Variants in IARS1 observed in about 807,000 individuals in gnomAD.
IARS1 encodes the protein isoleucine--tRNA ligase, cytoplasmic.
In IARS1, 124 loss-of-function variants were observed where a neutral mutation model predicts 168.2. That is an observed-to-expected ratio of 0.74 (90% CI 0.64 to 0.86). IARS1 has a LOEUF of 0.86. Among genes scored for constraint, IARS1 ranks in the 40% least tolerant of loss-of-function variants. The pLI, the probability that IARS1 is intolerant of heterozygous loss-of-function variation, is 0.00. For missense variants in IARS1, 1,452 were observed against 1,515.8 expected, an observed-to-expected ratio of 0.96 and a Z score of 0.70; for synonymous variants, 532 against 529.4, an observed-to-expected ratio of 1.00 and a Z score of -0.07.
chr9:92,234,771 C>A (rs1303271764), intron 30 of IARS1, among the ~76,000 whole-genome samples: 1 of 152,064 alleles, frequency 6.6e-6, no homozygotes, highest in Non-Finnish European at 1.5e-5. Context: ...AAACACACAA[C>A]CATCATGGGA....
intron 33 of IARS1, among the ~76,000 whole-genome samples, chr9:92,221,462 A>T (rs1711689737): frequency 6.6e-6 from 1 of 152,244 alleles, no homozygotes; most frequent in Non-Finnish European, 1.5e-5. Flanking sequence ...AAATAGAAAA[A>T]AACAGATCCC....
chr9:92,268,652 G>C (rs1832624298), intron 13 of IARS1, among the ~76,000 whole-genome samples: 1 of 152,188 alleles, frequency 6.6e-6, no homozygotes, highest in South Asian at 2.1e-4. Context: ...CAGTTTTTCT[G>C]AACTCATTAA....
Position 92,260,147 on chromosome 9 carries a change from G to A in IARS1, c.1871+4C>T, listed in dbSNP as rs370775962. The A allele has an allele frequency of 6.3e-7, 1 of 1,594,022 alleles. No individual in the cohort carries two copies. Among genetic ancestry groups the A allele is most frequent in the Non-Finnish European group, 8.6e-7 (1 of 1,161,576 alleles). ...TACACACAAGGCAAAGCACTGGTTT[G>A]TACCTGAGGGCATCAGCACCATACT... On this transcript the variant is annotated splice_donor_region_variant and intron_variant, in intron 18 of 33. Transcript: ENST00000443024.
At chr9:92,226,733 G>GT (rs1310162969) in intron 31 of IARS1, among the ~76,000 whole-genome samples, 2 of 151,520 alleles carry the variant, frequency 1.3e-5, no homozygotes, top group Non-Finnish European at 2.9e-5. Flanking sequence ...GCAGCTGTGT[G>GT]TAACTCCAAT....
chr9:92,252,323 C>T, intron 21 of IARS1: 2 of 484,448 alleles, frequency 4.1e-6, no homozygotes, highest in Admixed American at 2.2e-5. Flanking sequence ...TTTTCATTAT[C>T]TTTGTTTTTC....
intron 30 of IARS1, among the ~76,000 whole-genome samples, chr9:92,236,084 G>A (rs1331374386): frequency 2.6e-5 from 4 of 151,984 alleles, no homozygotes; most frequent in Admixed American, 6.5e-5. Flanking sequence ...CCAGGTTACA[G>A]CAATTCTCCT....
chr9:92,214,229 G>C (rs763800684), intron 33 of IARS1, among the ~76,000 whole-genome samples: 6 of 151,846 alleles, frequency 4.0e-5, no homozygotes, highest in Non-Finnish European at 7.4e-5. Context: ...AAGCAGAGCA[G>C]ACGGGCAATG....
chr9:92,251,414 CTAAGTTAAAG>C (rs1829996737), intron 22 of IARS1, among the ~76,000 whole-genome samples: 1 of 152,118 alleles, frequency 6.6e-6, no homozygotes, highest in Non-Finnish European at 1.5e-5. Context: ...CCTCTCAATG[CTAAGTTAAAG>C]TATTTTTTGT....
At chr9:92,283,773 TA>T (rs1182449494) in intron 6 of IARS1, among the ~76,000 whole-genome samples, 7 of 152,084 alleles carry the variant, frequency 4.6e-5, no homozygotes, top group African/African-American at 1.7e-4. Context: ...GATCCTGATT[TA>T]AAAAAATAAA....
At chr9:92,253,972 T>G in intron 20 of IARS1, 3 of 435,822 alleles carry the variant, frequency 6.9e-6, no homozygotes, top group South Asian at 3.4e-5. Flanking sequence ...AACATTTTGC[T>G]TGTCACAACT....
intron 32 of IARS1, 46 bp from the exon 33 acceptor site, chr9:92,222,718 T>G (rs768580338): frequency 1.2e-6 from 2 of 1,604,948 alleles, no homozygotes; most frequent in Non-Finnish European, 1.7e-6. Flanking sequence ...GAGTTCACCC[T>G]CTAGCTCCAA....
chr9:92,217,759 C>A (rs1214082871), intron 33 of IARS1, among the ~76,000 whole-genome samples: 1 of 152,088 alleles, frequency 6.6e-6, no homozygotes, highest in African/African-American at 2.4e-5. Context: ...CAATAACAGA[C>A]TCTGAAATTG....
chr9:92,212,617 G>A (rs1476896516), intron 33 of IARS1, among the ~76,000 whole-genome samples: 2 of 152,218 alleles, frequency 1.3e-5, no homozygotes, highest in South Asian at 4.1e-4. Context: ...ACAGTACTTG[G>A]TGACCAAAGG....
In IARS1 at chr9:92,289,437, A is replaced by T; in HGVS notation, c.-7-11T>A. 5 of 1,118,808 alleles carry T rather than the reference A, an allele frequency of 4.5e-6. No homozygotes were observed. Among genetic ancestry groups the T allele is most frequent in the Non-Finnish European group, 5.5e-6 (4 of 732,138 alleles). 69.3% of individuals were successfully genotyped at this position (1,118,808 alleles called of 1,614,324 possible). On this transcript the variant is annotated splice_polypyrimidine_tract_variant and intron_variant, in intron 1 of 33. Coordinates refer to ENST00000443024, the MANE Select transcript of IARS1 (RefSeq NM_002161.6). ...TGAAGCATTTTGTTGCTGCAAAAGA[A>T]ATCAAATTTATTACTGTCAAAAGAG...
intron 12 of IARS1, among the ~76,000 whole-genome samples, chr9:92,270,775 G>A (rs977248698): frequency 1.3e-5 from 2 of 152,060 alleles, no homozygotes; most frequent in African/African-American, 2.4e-5. Context: ...CAGCCTGGGC[G>A]TCAGAGTGAG....
rs769562607 is a variant in IARS1, at chr9:92,228,998, TA to T, written c.3409+2del. The T allele has an allele frequency of 6.2e-7, 1 of 1,613,980 alleles. No individual in the cohort carries two copies. The highest frequency in any genetic ancestry group is 8.5e-7 in the Non-Finnish European group (1 of 1,179,994). On this transcript the variant is annotated splice_donor_variant, in intron 31 of 33. Transcript: ENST00000443024. LOFTEE classifies it high-confidence loss of function. ...ACGTAGGCTCCTCTCACTTTCCACA[TA>T]CCTGTTTCATCATGGAAGACAGCCA...
chr9:92,265,327 G>T (rs1832132991), intron 15 of IARS1, among the ~76,000 whole-genome samples, 153 bp downstream of exon 15: 1 of 152,170 alleles, frequency 6.6e-6, no homozygotes, highest in Non-Finnish European at 1.5e-5. Context: ...ATTTCACAAG[G>T]ACAGAGGCCA....
At chr9:92,242,396 A>G in intron 28 of IARS1, 66 bp from the exon 29 acceptor site, 1 of 1,299,822 alleles carries the variant, frequency 7.7e-7, no homozygotes, top group Non-Finnish European at 1.1e-6. Context: ...GAAGGAAGGT[A>G]CTGTTGAACA....
At chr9:92,247,782 T>C (rs1157614845) in intron 25 of IARS1, among the ~76,000 whole-genome samples, 1 of 152,210 alleles carries the variant, frequency 6.6e-6, no homozygotes, top group Non-Finnish European at 1.5e-5. Context: ...ATGTGAAACA[T>C]TATGCTAGGT....
Sources: gnomAD v4.1 joint callset for allele counts (sites outside exome capture counted in the v4.1 genomes callset) on GRCh38, gnomAD v4.1.1 for gene constraint, MANE v1.5 for transcripts, NCBI Gene and HGNC (gene_info 2026-07-23, HGNC 2026-07-21) for gene names.